Variants in FAN1 observed in about 807,000 individuals in gnomAD.
FAN1 encodes the protein fanconi-associated nuclease 1.
Under a neutral mutation model 104.9 loss-of-function variants are expected in FAN1, and 91 were observed. The observed-to-expected ratio is 0.87, with a 90% confidence interval of 0.73 to 1.03. The LOEUF is 1.03. Among genes scored for constraint, FAN1 ranks in the 50% least tolerant of loss-of-function variants. The probability of loss-of-function intolerance (pLI) is 0.00; values close to 1 mark genes in which losing one functional copy is unlikely to be tolerated. For synonymous variants in FAN1, 478 were observed against 457.6 expected, an observed-to-expected ratio of 1.04 and a Z score of -0.57; for missense variants, 1,263 against 1,239.9, an observed-to-expected ratio of 1.02 and a Z score of -0.28.
chr15:30,903,877 C>G (rs2061902950), upstream of FAN1: 1 of 152,576 alleles, frequency 6.6e-6, no homozygotes, highest in Non-Finnish European at 1.5e-5. Context: ...AGCGCCGGCG[C>G]GCGGAGCCAG....
chr15:30,939,792 A>G (rs1193539092), intron 14 of FAN1: 2 of 985,212 alleles, frequency 2.0e-6, no homozygotes, highest in Non-Finnish European at 2.4e-6. Flanking sequence ...CTGTGGTGTT[A>G]TAAGGAGATT....
In FAN1 at chr15:30,929,274, G is replaced by T. The variant is rs1304613475; in HGVS notation, c.2664G>T (p.Gln888His). 6.2e-7 allele frequency: 1 copy of T among 1,613,676 alleles called. No individual in the cohort carries two copies. The highest frequency in any genetic ancestry group is 2.2e-5 in the East Asian group (1 of 44,834). Residue 888 changes from glutamine to histidine, a missense_variant, in exon 12 of 15, where the codon CAG becomes CAT. Coordinates refer to ENST00000362065, the MANE Select transcript of FAN1 (RefSeq NM_014967.5). ...SRRPALEARLQLIHDAPEESL... is the reference protein window; with the variant it reads ...SRRPALEARLHLIHDAPEESL... ...GCCCAGCCCTTGAGGCCAGGCTGCA[G>T]CTGATTCATGATGCCCCCGAGGAGA...
At chr15:30,907,521 AAAAAACAAAAC>A (rs142612249) in intron 2 of FAN1, among the ~76,000 whole-genome samples, 21,155 of 151,876 alleles carry the variant, frequency 0.14, 2,006 homozygotes, top group African/African-American at 0.28. Flanking sequence ...TCCATCTCAA[AAAAAACAAAAC>A]AAAAACAAAA....
chr15:30,928,470 A>G, intron 10 of FAN1, 83 bp from the exon 11 acceptor site: 2 of 1,570,394 alleles, frequency 1.3e-6, no homozygotes, highest in Non-Finnish European at 1.7e-6. Context: ...GCAGTAGGTT[A>G]TGGTGGTGTT....
At chr15:30,927,353 G>A (rs2062489997) in intron 10 of FAN1, 1 of 985,408 alleles carries the variant, frequency 1.0e-6, no homozygotes, top group Non-Finnish European at 1.2e-6. Context: ...AGTGTTCTAG[G>A]AAGAAAAGTC....
Position 30,941,797 on chromosome 15 carries a change from C to A in FAN1, c.*235C>A, listed in dbSNP as rs758204139. 6 of 1,614,012 alleles carry A rather than the reference C, an allele frequency of 3.7e-6. No homozygotes were observed. Among genetic ancestry groups the A allele is most frequent in the Middle Eastern group, 1.6e-4 (1 of 6,062 alleles). ...CTGTGATGGAGCCACCCAGGCTGAT[C>A]TGGGCCTCGGGAACCCAGCGGAAGT... On this transcript the variant is annotated 3_prime_UTR_variant, in exon 15 of 15. Coordinates refer to ENST00000362065, the MANE Select transcript of FAN1 (RefSeq NM_014967.5).
rs866101912 is a variant in FAN1 at position 30,905,890 on chromosome 15, G to C, written c.1227G>C (p.Gln409His). Reference protein sequence around the residue: ...QEKGIVTKFYQLSATGQKLYV... With the variant: ...QEKGIVTKFYHLSATGQKLYV... Reference sequence around the variant, plus strand: ...AGGGAATTGTAACTAAATTTTATCAGTTATCAGGTATCTTACGCACGTGTT... The same window carrying C: ...AGGGAATTGTAACTAAATTTTATCACTTATCAGGTATCTTACGCACGTGTT... The change falls in exon 2 of 15, where the codon CAG (glutamine) becomes CAC (histidine). Residue 409 changes from glutamine to histidine, a missense_variant. By Grantham distance (24) the Gln-to-His change is conservative. Coordinates refer to ENST00000362065, the MANE Select transcript of FAN1 (RefSeq NM_014967.5). The C allele has an allele frequency of 2.8e-5, 45 of 1,611,442 alleles. 2 individuals carry two copies. In the Middle Eastern group the frequency reaches 1.3e-3, roughly 47 times the overall value.
chr15:30,941,850 T>G lies in FAN1; in HGVS notation c.*288T>G. 1 of 1,614,040 alleles carries G rather than the reference T, an allele frequency of 6.2e-7. No individual in the cohort carries two copies. The highest frequency in any genetic ancestry group is 8.5e-7 in the Non-Finnish European group (1 of 1,179,906). ...CACAGTTTCCACAGTTTTATGTGTG[T>G]TCCAGAGACACGTGGCAGAATAACA... On this transcript the variant is annotated 3_prime_UTR_variant, in exon 15 of 15. Coordinates refer to ENST00000362065, the MANE Select transcript of FAN1 (RefSeq NM_014967.5).
chr15:30,904,415 G>C, intron 1 of FAN1, 97 bp from the exon 2 acceptor site: 1 of 575,310 alleles, frequency 1.7e-6, no homozygotes, highest in East Asian at 3.1e-5. Context: ...TTGTCTCCTC[G>C]TTACAGGAGA....
intron 4 of FAN1, chr15:30,911,734 A>T (rs2062105149): frequency 4.2e-6 from 4 of 959,382 alleles, no homozygotes; most frequent in Admixed American, 6.2e-5. Flanking sequence ...TGTTAACCTT[A>T]TATGTAACAT....
intron 4 of FAN1, chr15:30,911,456 A>T: frequency 1.0e-6 from 1 of 983,500 alleles, no homozygotes; most frequent in Non-Finnish European, 1.2e-6. Flanking sequence ...TTTGTTTTGT[A>T]TATTTCAGTT....
rs1231083263 is a variant in FAN1 at position 30,905,517 on chromosome 15, A to C, written c.854A>C (p.Lys285Thr). The C allele has an allele frequency of 6.2e-7, 1 of 1,614,104 alleles. No individual in the cohort carries two copies. Among genetic ancestry groups the C allele is most frequent in the East Asian group, 2.2e-5 (1 of 44,890 alleles). The change falls in exon 2 of 15, where the codon AAG becomes ACG. Residue 285 changes from lysine to threonine, a missense_variant. Around this residue, in one of 2 missense-constraint regions of FAN1, gnomAD observed 682 missense variants for 571.1 expected, o/e 1.19. Transcript: ENST00000362065. ...LKSTSEDSLVKQECIKEVVEK... is the reference protein window; with the variant it reads ...LKSTSEDSLVTQECIKEVVEK... ...TCTACTTCAGAAGACAGTCTTGTAA[A>C]GCAAGAGTGTATCAAAGAAGTGGTT...
intron 14 of FAN1, chr15:30,941,314 G>A: frequency 2.0e-6 from 3 of 1,527,760 alleles, no homozygotes; most frequent in South Asian, 2.4e-5. Flanking sequence ...AAGTGTGAAA[G>A]AAGCATGATT....
intron 8 of FAN1, 114 bp from the exon 9 acceptor site, chr15:30,925,013 T>C: frequency 8.9e-7 from 1 of 1,127,364 alleles, no homozygotes; most frequent in Non-Finnish European, 1.3e-6. Context: ...TGTTTGCTCA[T>C]TTGCTAATCA....
intron 10 of FAN1, 180 bp from the exon 11 acceptor site, chr15:30,928,373 A>G (rs1595867440): frequency 1.4e-6 from 2 of 1,425,518 alleles, no homozygotes; most frequent in Non-Finnish European, 9.1e-7. Flanking sequence ...TAAACAACAT[A>G]CTGTATAAAA....
intron 4 of FAN1, chr15:30,911,907 C>G (rs577417880): frequency 6.4e-6 from 1 of 157,286 alleles, no homozygotes; most frequent in African/African-American, 2.4e-5. Flanking sequence ...ACTAAAAATA[C>G]AAAAATTAGC....
chr15:30,929,710 T>TATAATATATATGAAATATATAATATATC (rs1566929612), intron 12 of FAN1, among the ~76,000 whole-genome samples: 6 of 81,596 alleles, frequency 7.4e-5, no homozygotes, highest in African/African-American at 1.9e-4. Context: ...TATTATATCA[T>TATAATATATATGAAATATATAATATATC]ATATAATATA....
Position 30,942,166 on chromosome 15 carries a change from T to C in FAN1, c.*604T>C, listed in dbSNP as rs1041566142. 1.4e-6 allele frequency: 2 copies of C among 1,392,926 alleles called. No homozygotes were observed. The highest frequency in any genetic ancestry group is 1.9e-6 in the Non-Finnish European group (2 of 1,030,362). 86.3% of individuals were successfully genotyped at this position (1,392,926 alleles called of 1,614,324 possible). ...AATATAAACTCAATACTATGAAAAA[T>C]TAATGGAATTTCAGCCTCAAAGAAC... On this transcript the variant is annotated 3_prime_UTR_variant, in exon 15 of 15. Transcript: ENST00000362065.
chr15:30,939,487 C>T, intron 14 of FAN1: 5 of 984,884 alleles, frequency 5.1e-6, no homozygotes, highest in Non-Finnish European at 4.8e-6. Context: ...ATATTATGCA[C>T]AATAAACTGT....
Sources: allele counts gnomAD v4.1 joint callset (sites outside exome capture counted in the v4.1 genomes callset), GRCh38; gene constraint gnomAD v4.1.1; regional missense constraint gnomAD v4.1.1; transcripts MANE v1.5; gene names NCBI Gene and HGNC (gene_info 2026-07-23, HGNC 2026-07-21).